Variants in SRP68 observed in about 807,000 individuals in gnomAD.
SRP68 encodes the protein signal recognition particle 68, also known as signal recognition particle subunit SRP68.
Under a neutral mutation model 82.2 loss-of-function variants are expected in SRP68, and 15 were observed. The ratio of observed to expected loss-of-function variants is 0.18; its 90% CI spans 0.12 to 0.28. The LOEUF (loss-of-function observed/expected upper bound fraction) is 0.28, where lower values mean the gene tolerates loss of function less well. Ranked by LOEUF, SRP68 falls within the 10% of genes least tolerant of loss-of-function variation. The pLI is 1.00. For missense variants in SRP68, 595 were observed against 780.5 expected, an observed-to-expected ratio of 0.76 and a Z score of 2.83; for synonymous variants, 261 against 292.6, an observed-to-expected ratio of 0.89 and a Z score of 1.10.
chr17:76,045,003 A>G (rs998460863), intron 12 of SRP68: 12 of 239,062 alleles, frequency 5.0e-5, no homozygotes, highest in Admixed American at 3.9e-4. Flanking sequence ...CAGCCTCCCA[A>G]AGTTCTGGGA....
chr17:76,047,822 TA>T, intron 10 of SRP68, 83 bp downstream of exon 10: 2 of 666,700 alleles, frequency 3.0e-6, no homozygotes, highest in Non-Finnish European at 4.3e-6. Flanking sequence ...ATTATAAATG[TA>T]AATATACATA....
intron 12 of SRP68, among the ~76,000 whole-genome samples, chr17:76,044,312 C>T (rs532966719): frequency 3.3e-4 from 51 of 152,338 alleles, no homozygotes; most frequent in Non-Finnish European, 5.1e-4. Context: ...TCCACACACC[C>T]AAGTCGCAAT....
At chr17:76,053,264 T>TGAA (rs2066688215) in intron 8 of SRP68, among the ~76,000 whole-genome samples, 6 of 58,236 alleles carry the variant, frequency 1.0e-4, no homozygotes, top group African/African-American at 7.2e-4. Context: ...AGACCCTGTC[T>TGAA]CAAAAAAAAA....
At chr17:76,046,476 A>AC (rs1399332729) in intron 10 of SRP68, among the ~76,000 whole-genome samples, 2 of 115,472 alleles carry the variant, frequency 1.7e-5, no homozygotes, top group East Asian at 2.4e-4. Flanking sequence ...AAAAAAAAAA[A>AC]AAAAAAAACA....
chr17:76,046,598 A>G (rs1328733703), intron 10 of SRP68, among the ~76,000 whole-genome samples: 1 of 151,892 alleles, frequency 6.6e-6, no homozygotes, highest in African/African-American at 2.4e-5. Context: ...CCCGAGTAAT[A>G]GAGCAAAACC....
chr17:76,068,831 G>C (rs919307111), intron 2 of SRP68, among the ~76,000 whole-genome samples: 1 of 151,958 alleles, frequency 6.6e-6, no homozygotes, highest in Non-Finnish European at 1.5e-5. Context: ...CTCGAACTCC[G>C]GGGCTTAAGC....
At position 76,071,095 on chromosome 17, in the gene SRP68, C is replaced by T. The variant is rs1222643432; in HGVS notation, c.185-651G>A. On this transcript the variant is annotated intron_variant, in intron 1 of 15. Coordinates refer to ENST00000307877, the MANE Select transcript of SRP68 (RefSeq NM_014230.4). This position sits in a 1 kb window ranked among gnomAD's most constrained non-coding sequence, Gnocchi z 4.7. ...CTAAATGCTGACTATAATTGGGGTG[C>T]TTCACACCAATTAACACCTAGACCC... Among the ~76,000 whole-genome samples the T allele has an allele frequency of 6.6e-6, 1 of 152,136 alleles. No homozygotes were observed. Among genetic ancestry groups the T allele is most frequent in the Admixed American group, 6.6e-5 (1 of 15,266 alleles).
At position 76,040,431 on chromosome 17, in the gene SRP68, G is replaced by A. The variant is rs750870837; in HGVS notation, c.1644C>T (p.Val548=). 6.2e-6 allele frequency: 10 copies of A among 1,613,940 alleles called. No individual in the cohort carries two copies. Among genetic ancestry groups the A allele is most frequent in the Admixed American group, 5.0e-5 (3 of 59,998 alleles). ...GGCCCAGACTTACCTTATTGTCCTT[G>A]ACTTGGGAGGAGGAGGTCTCTGTTT... ...AHQTETSSSQ[V]KDNKPLVERF... The change falls in exon 15 of 16, where the codon GTC becomes GTT. Residue 548 remains valine (V), a synonymous_variant. Coordinates refer to ENST00000307877, the MANE Select transcript of SRP68 (RefSeq NM_014230.4).
chr17:76,056,413 T>C (rs963896497), intron 8 of SRP68, among the ~76,000 whole-genome samples: 1 of 152,214 alleles, frequency 6.6e-6, no homozygotes, highest in Non-Finnish European at 1.5e-5. Context: ...CATACAACAG[T>C]GCCAATAGAA....
intron 2 of SRP68, among the ~76,000 whole-genome samples, chr17:76,068,598 T>C (rs759381243): frequency 2.0e-5 from 3 of 152,176 alleles, no homozygotes; most frequent in Non-Finnish European, 4.4e-5. Context: ...TGAAGAAAAG[T>C]GAGGAAGCCA....
At chr17:76,042,535 TAAA>T (rs59216233) in intron 13 of SRP68, among the ~76,000 whole-genome samples, 14 of 129,814 alleles carry the variant, frequency 1.1e-4, no homozygotes, top group Admixed American at 1.5e-4. Flanking sequence ...GACTCCATCT[TAAA>T]AAAAAAAAAA....
chr17:76,046,218 CA>C (rs1229346379), intron 10 of SRP68, 24 bp from the exon 11 acceptor site: 40 of 1,604,676 alleles, frequency 2.5e-5, no homozygotes, highest in Non-Finnish European at 3.2e-5. Context: ...CAAGTCAGCT[CA>C]AGTTATACTC....
At position 76,071,986 on chromosome 17, in the gene SRP68, G is replaced by A. The variant is rs1260761020; in HGVS notation, c.184+322C>T. 2.2e-5 allele frequency: 10 copies of A among 460,064 alleles called. No individual in the cohort carries two copies. The highest frequency in any genetic ancestry group is 4.9e-5 in the South Asian group (2 of 40,840). The allele number at this position is 460,064 out of a possible 1,614,324, so 28.5% of individuals were successfully genotyped here. A position where few individuals can be genotyped will look rare whatever the true frequency, so the allele number is the denominator to read the frequency against. On this transcript the variant is annotated intron_variant, in intron 1 of 15. Coordinates refer to ENST00000307877, the MANE Select transcript of SRP68 (RefSeq NM_014230.4). The surrounding 1 kb of genome is among the most constrained non-coding windows in gnomAD (Gnocchi z 4.7). ...CCTCTCCCCAGTTCAGTGGCTCAAGGTGCCAAAGCAAGGTGCTCAAGGTGT... is the reference window on the plus strand; with the variant it reads ...CCTCTCCCCAGTTCAGTGGCTCAAGATGCCAAAGCAAGGTGCTCAAGGTGT...
At chr17:76,065,599 T>C (rs536905405) in intron 3 of SRP68, among the ~76,000 whole-genome samples, 1 of 152,232 alleles carries the variant, frequency 6.6e-6, no homozygotes, top group East Asian at 1.9e-4. Flanking sequence ...GAGTAGCAGC[T>C]AACAAGTGTC....
At chr17:76,070,519 T>C in intron 1 of SRP68, 75 bp from the exon 2 acceptor site, 1 of 1,278,300 alleles carries the variant, frequency 7.8e-7, no homozygotes, top group Non-Finnish European at 1.1e-6. Context: ...TCAGTCTATA[T>C]CTGTGTCAAA....
chr17:76,051,381 T>G (rs775961489), intron 8 of SRP68, among the ~76,000 whole-genome samples: 4 of 152,244 alleles, frequency 2.6e-5, no homozygotes, highest in Non-Finnish European at 4.4e-5. Context: ...GCAGACCCAC[T>G]GTGAAATTAA....
chr17:76,062,830 G>A (rs1169795204), intron 4 of SRP68, among the ~76,000 whole-genome samples: 3 of 133,544 alleles, frequency 2.2e-5, no homozygotes, highest in African/African-American at 8.7e-5. Context: ...GAGCGCAGTG[G>A]CACAATCTCA....
Position 76,061,158 on chromosome 17 carries a change from G to A in SRP68, c.706C>T (p.Arg236Cys), listed in dbSNP as rs141509827. ...TEEQAVLYNQ[R>C]VEEISPNIRY... ...ATGTTGGGTGAAATCTCTTCCACAC[G>A]TTGGTTATACAGCACAGCCTGCTCC... Residue 236 changes from arginine (R) to cysteine (C), a missense_variant, in exon 6 of 16, where the codon CGT becomes TGT. Physicochemically the swap from Arg to Cys is radical, Grantham distance 180. This residue lies in a region of SRP68 where 495 missense variants were observed against 688.6 expected (regional missense o/e 0.72). Coordinates refer to ENST00000307877, the MANE Select transcript of SRP68 (RefSeq NM_014230.4). The A allele has an allele frequency of 3.7e-6, 6 of 1,613,912 alleles. No individual in the cohort carries two copies. The highest frequency in any genetic ancestry group is 1.3e-5 in the African/African-American group (1 of 75,020).
At chr17:76,061,058 G>T in intron 6 of SRP68, 52 bp downstream of exon 6, 1 of 1,089,130 alleles carries the variant, frequency 9.2e-7, no homozygotes, top group Non-Finnish European at 1.4e-6. Flanking sequence ...GCTCCCAATA[G>T]GCCATCTATC....
Sources: gnomAD v4.1 joint callset for allele counts (sites outside exome capture counted in the v4.1 genomes callset) on GRCh38, gnomAD v4.1.1 for gene constraint, gnomAD v4.1.1 regional missense constraint, Gnocchi (gnomAD v3.1) non-coding constraint, MANE v1.5 for transcripts, NCBI Gene and HGNC (gene_info 2026-07-23, HGNC 2026-07-21) for gene names.